CRB1: variants seen among roughly 807,000 people sequenced by gnomAD.
CRB1 encodes crumbs cell polarity complex component 1.
In CRB1, 83 loss-of-function variants were observed where a neutral mutation model predicts 120.0. The ratio of observed to expected loss-of-function variants is 0.69; its 90% CI spans 0.58 to 0.83. The LOEUF (loss-of-function observed/expected upper bound fraction) is 0.83, where lower values mean the gene tolerates loss of function less well. Among genes scored for constraint, CRB1 ranks in the 40% least tolerant of loss-of-function variants. The pLI is 0.00. For synonymous variants in CRB1, 625 were observed against 612.5 expected, an observed-to-expected ratio of 1.02 and a Z score of -0.30; for missense variants, 1,699 against 1,687.6, an observed-to-expected ratio of 1.01 and a Z score of -0.12.
chr1:197,416,702 A>G (rs2125460138), intron 5 of CRB1, among the ~76,000 whole-genome samples: 1 of 152,084 alleles, frequency 6.6e-6, no homozygotes, highest in South Asian at 2.1e-4. Context: ...TTTATTTTTT[A>G]TTTTATTTTA....
intron 5 of CRB1, chr1:197,363,820 G>A (rs1020202992): frequency 1.4e-5 from 11 of 795,696 alleles, no homozygotes; most frequent in East Asian, 2.5e-5. Context: ...CAAGTTCATG[G>A]CAAAACATCT....
At chr1:197,210,995 A>G in the CRB1 span, among the ~76,000 whole-genome samples, 2 of 152,212 alleles carry the variant, frequency 1.3e-5, no homozygotes, top group Non-Finnish European at 2.9e-5. Context: ...TGTACCAGAA[A>G]TATAACATTT....
At chr1:197,304,876 G>A (rs985733943) in intron 1 of CRB1, among the ~76,000 whole-genome samples, 38 of 152,146 alleles carry the variant, frequency 2.5e-4, no homozygotes, top group Admixed American at 1.0e-3. Context: ...CAGGGACCAT[G>A]GCAATGGTGG....
At chr1:197,318,275 C>T (rs1237299401) in intron 1 of CRB1, among the ~76,000 whole-genome samples, 2 of 152,036 alleles carry the variant, frequency 1.3e-5, no homozygotes, top group Non-Finnish European at 2.9e-5. Context: ...CAGGGAAAGG[C>T]AAATCAAGAT....
At chr1:197,398,621 A>G (rs1334632427) in intron 5 of CRB1, among the ~76,000 whole-genome samples, 1 of 152,170 alleles carries the variant, frequency 6.6e-6, no homozygotes, top group Non-Finnish European at 1.5e-5. Context: ...TTTATGGTCA[A>G]TTTATACAAT....
chr1:197,461,174 C>G (rs766523766), intron 11 of CRB1, among the ~76,000 whole-genome samples: 3 of 152,104 alleles, frequency 2.0e-5, no homozygotes, highest in Non-Finnish European at 4.4e-5. Flanking sequence ...CCAATGTAAG[C>G]CCCTCAACTT....
chr1:197,340,990 G>T (rs1046627756), intron 2 of CRB1, among the ~76,000 whole-genome samples: 1 of 152,132 alleles, frequency 6.6e-6, no homozygotes, highest in Non-Finnish European at 1.5e-5. Context: ...ATGGCAGCAG[G>T]CAAAGAGAGA....
At chr1:197,473,016 A>G (rs367757745) in intron 11 of CRB1, among the ~76,000 whole-genome samples, 3 of 152,178 alleles carry the variant, frequency 2.0e-5, no homozygotes, top group African/African-American at 4.8e-5. Flanking sequence ...CATTTATTAT[A>G]CTTATCCTAC....
chr1:197,379,321 A>G (rs990097605), intron 5 of CRB1, among the ~76,000 whole-genome samples: 19 of 151,312 alleles, frequency 1.3e-4, no homozygotes, highest in African/African-American at 4.4e-4. Flanking sequence ...TTTTTTTGAG[A>G]TGGAGTCTCG....
At chr1:197,315,287 G>A (rs1657774066) in intron 1 of CRB1, among the ~76,000 whole-genome samples, 1 of 152,096 alleles carries the variant, frequency 6.6e-6, no homozygotes, top group Admixed American at 6.5e-5. Flanking sequence ...TTTCACAAAA[G>A]GCATCAAATA....
the CRB1 span, among the ~76,000 whole-genome samples, chr1:197,224,161 A>T: frequency 2.0e-5 from 3 of 151,774 alleles, no homozygotes; most frequent in Non-Finnish European, 4.4e-5. Context: ...AAGCTCTTGT[A>T]CTTAGCCAAT....
chr1:197,439,643 C>T (rs1203541144), intron 10 of CRB1: 1 of 152,030 alleles, frequency 6.6e-6, no homozygotes, highest in Non-Finnish European at 1.5e-5. Context: ...TCTCATGTAT[C>T]ATCGAGGGTA....
chr1:197,341,154 G>C (rs1659432284), intron 2 of CRB1, among the ~76,000 whole-genome samples: 1 of 152,138 alleles, frequency 6.6e-6, no homozygotes, highest in East Asian at 1.9e-4. Context: ...ATGGGATTTG[G>C]ATGGGGACAC....
At chr1:197,426,225 T>G (rs982400838) in intron 6 of CRB1, among the ~76,000 whole-genome samples, 24 of 152,064 alleles carry the variant, frequency 1.6e-4, no homozygotes, top group East Asian at 9.7e-4. Flanking sequence ...CTGACCACTT[T>G]TGACCACTTT....
chr1:197,467,582 C>CT (rs554916281), intron 11 of CRB1, among the ~76,000 whole-genome samples: 36 of 152,078 alleles, frequency 2.4e-4, no homozygotes, highest in African/African-American at 4.8e-5. Context: ...TTTTTAGTAT[C>CT]TTTTTTTATC....
At chr1:197,435,688 T>G in intron 9 of CRB1, 76 bp downstream of exon 9, 1 of 1,314,292 alleles carries the variant, frequency 7.6e-7, no homozygotes, top group Non-Finnish European at 1.1e-6. Flanking sequence ...ATTGGAAAGC[T>G]CTCTCCTCAA....
chr1:197,337,206 A>T (rs190125103), intron 2 of CRB1, among the ~76,000 whole-genome samples: 6 of 152,318 alleles, frequency 3.9e-5, no homozygotes, highest in Admixed American at 3.9e-4. Context: ...GAGGACATAG[A>T]AAGAAATTAT....
Position 197,434,929 on chromosome 1 carries a change from T to G in CRB1, c.3066T>G (p.Ser1022Arg). 1.2e-6 allele frequency: 2 copies of G among 1,613,944 alleles called. No homozygotes were observed. The highest frequency in any genetic ancestry group is 1.7e-6 in the Non-Finnish European group (2 of 1,179,868). The change falls in exon 9 of 12, where the codon AGT becomes AGG. Residue 1022 changes from serine (S) to arginine (R), a missense_variant. Transcript: ENST00000367400. The stretch of plus-strand genomic sequence containing the variant: ...GTGGCAACAGCTTTTATATGCTAAG[T>G]CTGACAAGTTTGCAGTCAGTGAATG... ...LQSGNSFYML[S>R]LTSLQSVNDG...
intron 11 of CRB1, chr1:197,443,215 C>T (rs1399272253): frequency 2.0e-5 from 3 of 151,176 alleles, no homozygotes; most frequent in African/African-American, 4.9e-5. Flanking sequence ...TGAATTGTTA[C>T]GTTTTCTCTG....
Sources: allele counts gnomAD v4.1 joint callset (sites outside exome capture counted in the v4.1 genomes callset), GRCh38; gene constraint gnomAD v4.1.1; transcripts MANE v1.5; gene names NCBI Gene and HGNC (gene_info 2026-07-23, HGNC 2026-07-21).